AUTS2: variants seen among roughly 807,000 people sequenced by gnomAD.
The protein encoded by AUTS2 is autism susceptibility gene 2 protein.
Under a neutral mutation model 112.4 loss-of-function variants are expected in AUTS2, and 17 were observed. The observed-to-expected ratio is 0.15, with a 90% CI of 0.10 to 0.23. AUTS2 has a LOEUF of 0.23. Ranked by LOEUF, AUTS2 falls within the 10% of genes least tolerant of loss-of-function variation. The pLI is 1.00. For missense variants in AUTS2, 1,510 were observed against 1,701.6 expected, an observed-to-expected ratio of 0.89 and a Z score of 1.98; for synonymous variants, 751 against 702.7, an observed-to-expected ratio of 1.07 and a Z score of -1.09.
intron 4 of AUTS2, among the ~76,000 whole-genome samples, chr7:70,351,212 G>A (rs1791742869): frequency 6.6e-6 from 1 of 151,918 alleles, no homozygotes; most frequent in African/African-American, 2.4e-5. Flanking sequence ...CAATACGCCT[G>A]GCTAATTTTT....
At chr7:70,483,050 A>C (rs1421740029) in intron 5 of AUTS2, among the ~76,000 whole-genome samples, 1 of 151,912 alleles carries the variant, frequency 6.6e-6, no homozygotes, top group African/African-American at 2.4e-5. Flanking sequence ...GGGGGGTTGG[A>C]GATGGGGAGG....
At chr7:70,011,356 TCTC>T (rs1799799022) in intron 2 of AUTS2, among the ~76,000 whole-genome samples, 1 of 134,778 alleles carries the variant, frequency 7.4e-6, no homozygotes, top group Non-Finnish European at 1.6e-5. Flanking sequence ...TCTCCTCTCC[TCTC>T]CTCTCCCTCA....
rs1226749645 is a variant in AUTS2 at position 69,894,520 on chromosome 7, G to GA, written c.310-4765dup. Among the ~76,000 whole-genome samples the GA allele has an allele frequency of 6.6e-5, 10 of 152,252 alleles. No homozygotes were observed. The South Asian group carries it at 1.9e-3, about 28-fold the overall frequency. On this transcript the variant is annotated intron_variant, in intron 1 of 18. Coordinates refer to ENST00000342771, the MANE Select transcript of AUTS2 (RefSeq NM_015570.4). ...GAATCCTTATTTAGTAGGTTGAACA[G>GA]AGTGGCCGTTGTGGAAAAGTAACTA... is the stretch of plus-strand genomic sequence containing the variant.
intron 5 of AUTS2, among the ~76,000 whole-genome samples, chr7:70,553,760 C>CTTTTTTTTT (rs71531706): frequency 6.1e-3 from 341 of 56,060 alleles, no homozygotes; most frequent in East Asian, 9.6e-3. Flanking sequence ...GCCTTTCTTT[C>CTTTTTTTTT]TTTTTTTTTT....
At chr7:70,730,580 TC>T (rs1184222367) in intron 6 of AUTS2, among the ~76,000 whole-genome samples, 1 of 152,270 alleles carries the variant, frequency 6.6e-6, no homozygotes, top group Non-Finnish European at 1.5e-5. Flanking sequence ...GTGGAATATA[TC>T]AGCATTTCAT....
At chr7:70,720,128 C>G (rs183377216) in intron 6 of AUTS2, among the ~76,000 whole-genome samples, 1 of 152,020 alleles carries the variant, frequency 6.6e-6, no homozygotes, top group East Asian at 1.9e-4. Flanking sequence ...AAATCTGAAT[C>G]GTTACTCCAC....
intron 2 of AUTS2, among the ~76,000 whole-genome samples, chr7:70,039,896 A>G (rs1304379808): frequency 6.6e-6 from 1 of 152,234 alleles, no homozygotes; most frequent in African/African-American, 2.4e-5. Flanking sequence ...CTGGGTACAG[A>G]GAAACATACA....
At chr7:69,997,138 G>A (rs1246067692) in intron 2 of AUTS2, among the ~76,000 whole-genome samples, 2 of 152,118 alleles carry the variant, frequency 1.3e-5, no homozygotes, top group Non-Finnish European at 2.9e-5. Context: ...AAGTGAGCTG[G>A]CTTAATTTAT....
intron 2 of AUTS2, among the ~76,000 whole-genome samples, chr7:69,934,469 T>G (rs1423041274): frequency 6.6e-6 from 1 of 152,136 alleles, no homozygotes; most frequent in Non-Finnish European, 1.5e-5. Context: ...CTAAATTAGT[T>G]TGAAGTGGAA....
chr7:69,815,467 G>C (rs927047839), intron 1 of AUTS2, among the ~76,000 whole-genome samples: 17 of 152,106 alleles, frequency 1.1e-4, no homozygotes, highest in Non-Finnish European at 1.5e-5. Context: ...GTAGTTTATA[G>C]TACATTGGAG....
At chr7:70,563,363 A>G (rs529674579) in intron 5 of AUTS2, among the ~76,000 whole-genome samples, 1 of 152,352 alleles carries the variant, frequency 6.6e-6, no homozygotes, top group African/African-American at 2.4e-5. Context: ...TTATGATGCT[A>G]TGAGACATCT....
chr7:70,615,141 G>A (rs745310584), intron 5 of AUTS2, among the ~76,000 whole-genome samples: 11 of 152,174 alleles, frequency 7.2e-5, no homozygotes, highest in Non-Finnish European at 1.5e-4. Flanking sequence ...GCTCTAGGTC[G>A]GTGACATCAG....
At chr7:69,883,494 C>T (rs368209517) in intron 1 of AUTS2, among the ~76,000 whole-genome samples, 4 of 152,110 alleles carry the variant, frequency 2.6e-5, no homozygotes, top group South Asian at 2.1e-4. Context: ...TCCAACCCAG[C>T]TCTTCTCTCT....
chr7:70,608,427 CAAAA>C (rs1289069694), intron 5 of AUTS2, among the ~76,000 whole-genome samples: 2 of 152,144 alleles, frequency 1.3e-5, no homozygotes, highest in African/African-American at 4.8e-5. Flanking sequence ...GTTTGACAGA[CAAAA>C]AACTGGCATC....
At chr7:70,407,352 G>C (rs1442652996) in intron 4 of AUTS2, among the ~76,000 whole-genome samples, 1 of 152,118 alleles carries the variant, frequency 6.6e-6, no homozygotes, top group Admixed American at 6.5e-5. Context: ...TTTTGCAGCT[G>C]TCTTTGTGGT....
intron 4 of AUTS2, among the ~76,000 whole-genome samples, chr7:70,344,155 A>T (rs947645473): frequency 2.0e-5 from 3 of 152,154 alleles, no homozygotes; most frequent in African/African-American, 7.2e-5. Context: ...GCCCTGAAAC[A>T]TCCCAGCCCT....
At chr7:70,148,452 A>G (rs757358826) in intron 4 of AUTS2, among the ~76,000 whole-genome samples, 3 of 152,110 alleles carry the variant, frequency 2.0e-5, no homozygotes, top group Non-Finnish European at 2.9e-5. Context: ...GCTGTACTGA[A>G]TCTTGACTTA....
At chr7:70,641,367 G>T (rs1805819837) in intron 5 of AUTS2, among the ~76,000 whole-genome samples, 1 of 151,976 alleles carries the variant, frequency 6.6e-6, no homozygotes, top group African/African-American at 2.4e-5. Flanking sequence ...GGCTAACACG[G>T]TGAAACCCCA....
chr7:70,275,418 A>G (rs1787882436), intron 4 of AUTS2, among the ~76,000 whole-genome samples: 2 of 152,194 alleles, frequency 1.3e-5, no homozygotes, highest in South Asian at 2.1e-4. Context: ...GGAGTTACCC[A>G]TTCATGGGCA....
Sources: gnomAD v4.1 joint callset for allele counts (sites outside exome capture counted in the v4.1 genomes callset) on GRCh38, gnomAD v4.1.1 for gene constraint, MANE v1.5 for transcripts, NCBI Gene and HGNC (gene_info 2026-07-23, HGNC 2026-07-21) for gene names.